MARS1: variants seen among roughly 807,000 people sequenced by gnomAD.
MARS1 encodes methionine--tRNA ligase, cytoplasmic.
A neutral mutation model predicts 119.5 loss-of-function variants in MARS1; 80 were observed. The observed-to-expected ratio is 0.67, with a 90% CI of 0.56 to 0.81. The LOEUF (loss-of-function observed/expected upper bound fraction) is 0.81. Ranked by LOEUF, MARS1 falls within the 30% of genes least tolerant of loss-of-function variation. MARS1 has a pLI of 0.00. For missense variants in MARS1, 945 were observed against 1,116.5 expected, an observed-to-expected ratio of 0.85 and a Z score of 2.19; for synonymous variants, 418 against 433.4, an observed-to-expected ratio of 0.96 and a Z score of 0.44.
intron 10 of MARS1, 39 bp from the exon 11 acceptor site, chr12:57,504,186 C>T (rs776789315): frequency 1.0e-5 from 15 of 1,499,360 alleles, no homozygotes; most frequent in African/African-American, 1.4e-5. Flanking sequence ...CTCCCCTGGC[C>T]TGCAGGCCTG....
At chr12:57,489,147 C>T (rs1382479248) in intron 2 of MARS1, 38 bp downstream of exon 2, 1 of 1,602,676 alleles carries the variant, frequency 6.2e-7, no homozygotes, top group Non-Finnish European at 8.5e-7. Context: ...GTGGCTGAAT[C>T]AAATCAGGCC....
At chr12:57,488,767 A>G (rs2139996112) in intron 1 of MARS1, 1 of 1,056,636 alleles carries the variant, frequency 9.5e-7, no homozygotes, top group South Asian at 1.4e-5. Flanking sequence ...CTGCAGCACT[A>G]TCCCAATACC....
intron 9 of MARS1, chr12:57,500,071 A>G: frequency 4.1e-6 from 2 of 485,028 alleles, no homozygotes; most frequent in South Asian, 2.1e-5. Context: ...AAACAGATAA[A>G]TCTGTGTTCA....
At chr12:57,515,626 A>G (rs1877766258) in intron 18 of MARS1, 2 of 561,082 alleles carry the variant, frequency 3.6e-6, no homozygotes, top group African/African-American at 3.8e-5. Flanking sequence ...TGGGCAGGGA[A>G]AATACAGGAA....
chr12:57,488,376 C>T (rs1437105409), intron 1 of MARS1, 177 bp downstream of exon 1: 2 of 723,632 alleles, frequency 2.8e-6, no homozygotes, highest in Non-Finnish European at 4.5e-6. Flanking sequence ...CTTTCACTTC[C>T]TTTAATTACC....
At chr12:57,504,355 C>A in intron 11 of MARS1, 56 bp downstream of exon 11, 3 of 1,362,290 alleles carry the variant, frequency 2.2e-6, no homozygotes, top group Non-Finnish European at 3.2e-6. Flanking sequence ...GTCCCCTCTG[C>A]CTTAGCCACA....
At chr12:57,504,695 A>ATTTTTTTT (rs34351056) in intron 11 of MARS1, among the ~76,000 whole-genome samples, 3 of 83,602 alleles carry the variant, frequency 3.6e-5, no homozygotes, top group Admixed American at 1.7e-4. Context: ...TGCCTGACTG[A>ATTTTTTTT]TTTTTTTTTT....
chr12:57,500,465 G>A lies in MARS1; in HGVS notation c.1236G>A (p.Glu412=). The A allele has an allele frequency of 6.2e-7, 1 of 1,614,200 alleles. No homozygotes were observed. Among genetic ancestry groups the A allele is most frequent in the South Asian group, 1.1e-5 (1 of 91,086 alleles). ...TGTGTCCCTTCTGTGGCTATGAGGA[G>A]GCTCGGGGTGACCAGTGTGACAAGT... ...EGVCPFCGYE[E]ARGDQCDKCG... is the part of the protein sequence containing the mutation. Residue 412 remains glutamate, a synonymous_variant, in exon 10 of 21, where the codon GAG becomes GAA. Coordinates refer to ENST00000262027, the MANE Select transcript of MARS1 (RefSeq NM_004990.4).
In MARS1 at chr12:57,512,928, C is replaced by G. The variant is rs1276192658; in HGVS notation, c.1931C>G (p.Ser644Cys). The G allele has an allele frequency of 8.1e-6, 13 of 1,614,104 alleles. No homozygotes were observed. The highest frequency in any genetic ancestry group is 1.1e-5 in the Non-Finnish European group (13 of 1,180,050). Residue 644 changes from serine (S) to cysteine (C), a missense_variant, in exon 15 of 21, where the codon TCT (serine) becomes TGT (cysteine). Physicochemically the swap from Ser to Cys is moderately radical, Grantham distance 112. Coordinates refer to ENST00000262027, the MANE Select transcript of MARS1 (RefSeq NM_004990.4). ...SWTDLLLKNN[S>C]ELLNNLGNFI... ...ACGGACCTGCTGCTGAAGAATAATTCTGAGCTGCTTAACAACCTGGGCAAC... is the reference window on the plus strand; with the variant it reads ...ACGGACCTGCTGCTGAAGAATAATTGTGAGCTGCTTAACAACCTGGGCAAC...
rs1475927953 is a variant in MARS1, at chr12:57,507,088, C to CAAAGCACA, written c.1368+2790_1368+2797dup. Among the ~76,000 whole-genome samples, 16 of 150,954 alleles carry CAAAGCACA rather than the reference C, an allele frequency of 1.1e-4. No individual in the cohort carries two copies. In the South Asian group the frequency reaches 3.1e-3, roughly 30 times the overall value. Reference sequence around the variant, plus strand: ...ATGCTGCCTTCAAGCATCTGTTTAACAAAGCACATCTTGCACCGCCCTTAA... The same window carrying CAAAGCACA: ...ATGCTGCCTTCAAGCATCTGTTTAACAAAGCACAAAAGCACATCTTGCACCGCCCTTAA... On this transcript the variant is annotated intron_variant, in intron 11 of 20. Coordinates refer to ENST00000262027, the MANE Select transcript of MARS1 (RefSeq NM_004990.4).
chr12:57,502,490 TG>T (rs1664137635), intron 10 of MARS1, among the ~76,000 whole-genome samples: 1 of 151,332 alleles, frequency 6.6e-6, no homozygotes, highest in Admixed American at 6.6e-5. Context: ...CCGGATCACC[TG>T]AGGTCAGGAG....
chr12:57,497,926 A>G (rs1022259826), intron 7 of MARS1, among the ~76,000 whole-genome samples: 4 of 152,126 alleles, frequency 2.6e-5, no homozygotes, highest in African/African-American at 9.7e-5. Context: ...AGGCTCCTTC[A>G]TAGCAGTACA....
intron 11 of MARS1, among the ~76,000 whole-genome samples, chr12:57,506,850 CT>C (rs35786533): frequency 0.18 from 23,546 of 128,084 alleles, 2,126 homozygotes; most frequent in East Asian, 0.3. Flanking sequence ...TAATTTTTGT[CT>C]TTTTTTTTTT....
In MARS1 at chr12:57,500,374, A is replaced by C; in HGVS notation, c.1145A>C (p.Asp382Ala). The stretch of plus-strand genomic sequence containing the variant: ...CTGAAACGAGGTTTTGTGCTGCAAG[A>C]TACTGTGGAGCAACTGCGATGTGAG... ...QLLKRGFVLQ[D>A]TVEQLRCEHC... Residue 382 changes from aspartate to alanine, a missense_variant, in exon 10 of 21, where the codon GAT (aspartate) becomes GCT (alanine). Physicochemically the swap from Asp to Ala is moderately radical, Grantham distance 126. Coordinates refer to ENST00000262027, the MANE Select transcript of MARS1 (RefSeq NM_004990.4). 1.5e-5 allele frequency: 24 copies of C among 1,614,148 alleles called. No individual in the cohort carries two copies. The highest frequency in any genetic ancestry group is 1.7e-5 in the Non-Finnish European group (20 of 1,180,010).
chr12:57,496,766 G>T (rs1227728275), intron 7 of MARS1, among the ~76,000 whole-genome samples: 7 of 149,150 alleles, frequency 4.7e-5, no homozygotes, highest in Non-Finnish European at 1.5e-5. Flanking sequence ...GACAGAGGGA[G>T]ACCCTGTCTC....
Position 57,498,259 on chromosome 12 carries a change from CG to C in MARS1, c.874del (p.Asp292MetfsTer36). ...GNIIGCVLSA[D>X]VFARYSRLRQ... ...ACATCATTGGTTGTGTGCTCAGTGC[CG>C]ATGTCTTTGCCAGGTGGAGCCAGCT... On this transcript the variant is annotated frameshift_variant, in exon 8 of 21. Coordinates refer to ENST00000262027, the MANE Select transcript of MARS1 (RefSeq NM_004990.4). LOFTEE classifies it high-confidence loss of function. 1.9e-6 allele frequency: 3 copies of C among 1,614,028 alleles called. No homozygotes were observed. Among genetic ancestry groups the C allele is most frequent in the Non-Finnish European group, 2.5e-6 (3 of 1,179,944 alleles).
Position 57,498,489 on chromosome 12 carries a change from G to A in MARS1, c.957G>A (p.Glu319=). ...CAGATGAGTATGGTACAGCAACAGA[G>A]ACCAAGGCTCTGGAGGAGGGACTAA... ...CGTDEYGTAT[E]TKALEEGLTP... Residue 319 remains glutamate (E), a synonymous_variant, in exon 9 of 21, where the codon GAG becomes GAA. Transcript: ENST00000262027. 1 of 1,614,210 alleles carries A rather than the reference G, an allele frequency of 6.2e-7. No homozygotes were observed. The highest frequency in any genetic ancestry group is 8.5e-7 in the Non-Finnish European group (1 of 1,180,042).
intron 7 of MARS1, among the ~76,000 whole-genome samples, chr12:57,492,276 C>CA (rs1052995609): frequency 5.2e-3 from 286 of 55,348 alleles, no homozygotes; most frequent in East Asian, 0.012. Flanking sequence ...AAGACTGTCT[C>CA]AAAAAAAAAA....
intron 11 of MARS1, among the ~76,000 whole-genome samples, chr12:57,511,128 A>C (rs1248195327): frequency 1.6e-5 from 2 of 124,090 alleles, no homozygotes; most frequent in African/African-American, 2.9e-5. Context: ...GAAGTGTTCC[A>C]TATTTTTAAA....
Sources: gnomAD v4.1 joint callset for allele counts (sites outside exome capture counted in the v4.1 genomes callset) on GRCh38, gnomAD v4.1.1 for gene constraint, MANE v1.5 for transcripts, NCBI Gene and HGNC (gene_info 2026-07-23, HGNC 2026-07-21) for gene names.